The following PEMT variants were observed in gnomAD, a reference collection of about 807,000 sequenced individuals.
The protein encoded by PEMT is phospholipid methyltransferase.
Under a neutral mutation model 27.4 loss-of-function variants are expected in PEMT, and 23 were observed. The ratio of observed to expected loss-of-function variants is 0.84; its 90% CI spans 0.60 to 1.19. The LOEUF (loss-of-function observed/expected upper bound fraction) is 1.19. Ranked by LOEUF, PEMT falls within the 50% of genes most tolerant of loss-of-function variation. The probability of loss-of-function intolerance (pLI) is 0.00; values close to 1 mark genes in which losing one functional copy is unlikely to be tolerated. For missense variants in PEMT, 307 were observed against 310.1 expected (o/e 0.99, Z 0.07); for synonymous variants, 137 against 139.1 (o/e 0.98, Z 0.11).
At chr17:17,515,002 G>A (rs570052643) in intron 3 of PEMT, among the ~76,000 whole-genome samples, 26 of 152,226 alleles carry the variant, frequency 1.7e-4, no homozygotes, top group Non-Finnish European at 3.1e-4. Context: ...GCCCGGCAGG[G>A]TTTGGAATGC....
At chr17:17,576,074 C>A (rs762173598) in intron 2 of PEMT, among the ~76,000 whole-genome samples, 1 of 152,224 alleles carries the variant, frequency 6.6e-6, no homozygotes, top group Middle Eastern at 3.4e-3. Flanking sequence ...GCAAGCCCAA[C>A]CCCCGCTGAG....
Position 17,582,246 on chromosome 17 carries a change from T to C in PEMT, c.97-5219A>G. 5 of 985,268 alleles carry C rather than the reference T, an allele frequency of 5.1e-6. No individual in the cohort carries two copies. Among genetic ancestry groups the C allele is most frequent in the Non-Finnish European group, 6.0e-6 (5 of 829,818 alleles). The allele number at this position is 985,268 out of a possible 1,614,324, so 61.0% of individuals were successfully genotyped here. A position where few individuals can be genotyped will look rare whatever the true frequency, so the allele number is the denominator to read the frequency against. Reference sequence around the variant, plus strand: ...GGTTGCAGAGGCCTCGGAATCTGACTAAAGGAAAGGAGCTACCCACCACGG... The same window carrying C: ...GGTTGCAGAGGCCTCGGAATCTGACCAAAGGAAAGGAGCTACCCACCACGG... On this transcript the variant is annotated intron_variant, in intron 1 of 6. Transcript: ENST00000255389. This position sits in a 1 kb window ranked among gnomAD's most constrained non-coding sequence, Gnocchi z 4.9.
At chr17:17,520,691 C>A (rs1423100348) in intron 3 of PEMT, among the ~76,000 whole-genome samples, 1 of 152,252 alleles carries the variant, frequency 6.6e-6, no homozygotes, top group African/African-American at 2.4e-5. Flanking sequence ...ATCATTCAAC[C>A]CAGGGCAGGT....
At chr17:17,578,016 C>CAAAA (rs1332805592) in intron 1 of PEMT, among the ~76,000 whole-genome samples, 1 of 60,618 alleles carries the variant, frequency 1.6e-5, no homozygotes, top group Non-Finnish European at 3.9e-5. Context: ...GACTCCGTCT[C>CAAAA]AAAAAAAAAA....
At chr17:17,537,066 T>C (rs1355955691) in intron 2 of PEMT, among the ~76,000 whole-genome samples, 1 of 152,136 alleles carries the variant, frequency 6.6e-6, no homozygotes, top group Non-Finnish European at 1.5e-5. Context: ...CACTGACGGG[T>C]CCCACTGGAG....
intron 1 of PEMT, among the ~76,000 whole-genome samples, chr17:17,584,389 G>A (rs1597968144): frequency 6.6e-6 from 1 of 152,152 alleles, no homozygotes; most frequent in East Asian, 1.9e-4. Flanking sequence ...TCGATCTCCT[G>A]ACCTCATGAT....
chr17:17,576,325 G>A (rs764604661), intron 2 of PEMT, among the ~76,000 whole-genome samples: 12 of 152,168 alleles, frequency 7.9e-5, no homozygotes, highest in Admixed American at 2.6e-4. Flanking sequence ...GCTGGTGCCC[G>A]GGCACCCAAA....
chr17:17,538,016 G>A (rs1000835516), intron 2 of PEMT, among the ~76,000 whole-genome samples: 2 of 152,232 alleles, frequency 1.3e-5, no homozygotes, highest in Non-Finnish European at 2.9e-5. Flanking sequence ...CCTCAGGAAG[G>A]GACAGCTGCT....
At chr17:17,527,567 C>T (rs1259622929) in intron 2 of PEMT, among the ~76,000 whole-genome samples, 4 of 141,142 alleles carry the variant, frequency 2.8e-5, no homozygotes, top group Admixed American at 2.0e-4. Flanking sequence ...ATAATACTCT[C>T]GACTGCGTCA....
At chr17:17,540,462 G>A (rs1379822973) in intron 2 of PEMT, among the ~76,000 whole-genome samples, 1 of 152,188 alleles carries the variant, frequency 6.6e-6, no homozygotes, top group East Asian at 1.9e-4. Flanking sequence ...CAGGGGAACT[G>A]AGCCCCAGGA....
Position 17,576,663 on chromosome 17 carries a change from G to C in PEMT, c.204+257C>G, listed in dbSNP as rs545368412. Among the ~76,000 whole-genome samples, 5 of 152,194 alleles carry C rather than the reference G, an allele frequency of 3.3e-5. No homozygotes were observed. In the South Asian group the frequency reaches 1.0e-3, roughly 32 times the overall value. The stretch of plus-strand genomic sequence containing the variant: ...TGGCAGCGTTCTCCTGCAGGTTCTT[G>C]TGAGGGTAGGAGGGCCACCCCTACA... On this transcript the variant is annotated intron_variant, in intron 2 of 6. Transcript: ENST00000255389.
chr17:17,524,314 G>C (rs537049595), intron 2 of PEMT, among the ~76,000 whole-genome samples: 1 of 152,240 alleles, frequency 6.6e-6, no homozygotes, highest in South Asian at 2.1e-4. Context: ...TGGAATTGCT[G>C]GGTCACATGG....
intron 2 of PEMT, among the ~76,000 whole-genome samples, chr17:17,568,133 C>T (rs1661851315): frequency 6.6e-6 from 1 of 152,234 alleles, no homozygotes; most frequent in African/African-American, 2.4e-5. Context: ...GGTCCTCCCT[C>T]ACAAGCCCCA....
intron 3 of PEMT, among the ~76,000 whole-genome samples, chr17:17,516,038 C>CA (rs143043608): frequency 6.6e-6 from 1 of 152,318 alleles, no homozygotes; most frequent in African/African-American, 2.4e-5. Flanking sequence ...CACACGGCCC[C>CA]ACCTGGGACA....
chr17:17,581,815 A>G (rs1482803942), intron 1 of PEMT, among the ~76,000 whole-genome samples: 3 of 152,198 alleles, frequency 2.0e-5, no homozygotes, highest in Non-Finnish European at 4.4e-5. Context: ...TGCCCGGAGA[A>G]GCACCTGCTT....
At chr17:17,510,607 A>G (rs936954896) in intron 4 of PEMT, among the ~76,000 whole-genome samples, 7 of 152,160 alleles carry the variant, frequency 4.6e-5, no homozygotes, top group Non-Finnish European at 1.0e-4. Context: ...ACAGAAACCC[A>G]ATTCGAGCTG....
At chr17:17,533,362 A>G (rs1337613465) in intron 2 of PEMT, among the ~76,000 whole-genome samples, 2 of 152,272 alleles carry the variant, frequency 1.3e-5, no homozygotes, top group African/African-American at 4.8e-5. Context: ...TAAATGTAAG[A>G]GCTAAAACTA....
intron 3 of PEMT, among the ~76,000 whole-genome samples, chr17:17,515,654 G>A (rs70963032): frequency 4.5e-4 from 68 of 152,228 alleles, no homozygotes; most frequent in African/African-American, 1.6e-3. Flanking sequence ...CCCGAATTAG[G>A]CAATCGACAG....
intron 2 of PEMT, among the ~76,000 whole-genome samples, chr17:17,545,701 C>A (rs963734100): frequency 6.6e-6 from 1 of 152,200 alleles, no homozygotes; most frequent in African/African-American, 2.4e-5. Flanking sequence ...TCAAAATGTT[C>A]TCTTTTGTGA....
Sources: allele counts gnomAD v4.1 joint callset (sites outside exome capture counted in the v4.1 genomes callset), GRCh38; gene constraint gnomAD v4.1.1; non-coding constraint Gnocchi (gnomAD v3.1); transcripts MANE v1.5; gene names NCBI Gene and HGNC (gene_info 2026-07-23, HGNC 2026-07-21).